Variants in CNOT6L observed in about 807,000 individuals in gnomAD.
CNOT6L encodes the protein CCR4-NOT transcription complex subunit 6-like.
A neutral mutation model predicts 64.0 loss-of-function variants in CNOT6L; 7 were observed. The ratio of observed to expected loss-of-function variants is 0.11; its 90% CI spans 0.06 to 0.21. CNOT6L has a LOEUF of 0.21. Among genes scored for constraint, CNOT6L ranks in the 10% least tolerant of loss-of-function variants. CNOT6L has a pLI of 1.00. For synonymous variants in CNOT6L, 193 were observed against 243.4 expected (o/e 0.79, Z 1.93); for missense variants, 245 against 669.0 (o/e 0.37, Z 6.99).
intron 1 of CNOT6L, among the ~76,000 whole-genome samples, chr4:77,812,832 T>C (rs1360609003): frequency 6.6e-6 from 1 of 152,010 alleles, no homozygotes; most frequent in Non-Finnish European, 1.5e-5. Context: ...ATCCTAAAAT[T>C]GATATGGAAA....
At chr4:77,784,378 T>G (rs1729210893) in intron 1 of CNOT6L, among the ~76,000 whole-genome samples, 1 of 152,202 alleles carries the variant, frequency 6.6e-6, no homozygotes, top group African/African-American at 2.4e-5. Flanking sequence ...TATGGACAAC[T>G]TAAGCTTATG....
intron 1 of CNOT6L, among the ~76,000 whole-genome samples, chr4:77,785,097 T>C (rs1241440690): frequency 1.3e-5 from 2 of 152,162 alleles, no homozygotes; most frequent in South Asian, 4.1e-4. Flanking sequence ...CATAGTTCAA[T>C]GGAACAGAAC....
intron 8 of CNOT6L, among the ~76,000 whole-genome samples, chr4:77,736,961 A>G (rs183117260): frequency 4.6e-5 from 6 of 129,604 alleles, no homozygotes; most frequent in Admixed American, 4.3e-4. Flanking sequence ...GAACACGTCC[A>G]GAGCAGTCCT....
intron 8 of CNOT6L, 61 bp from the exon 9 acceptor site, chr4:77,731,599 G>C: frequency 8.1e-7 from 1 of 1,241,208 alleles, no homozygotes; most frequent in Non-Finnish European, 1.1e-6. Context: ...GATATTAAAT[G>C]AAAGAAACAT....
intron 1 of CNOT6L, among the ~76,000 whole-genome samples, chr4:77,813,666 A>G (rs549547533): frequency 6.6e-6 from 1 of 152,216 alleles, no homozygotes; most frequent in Non-Finnish European, 1.5e-5. Flanking sequence ...AAAAAGCATC[A>G]TTAGCCATCA....
intron 6 of CNOT6L, among the ~76,000 whole-genome samples, chr4:77,746,962 CATATT>C (rs1163952052): frequency 6.6e-6 from 1 of 151,364 alleles, no homozygotes; most frequent in East Asian, 1.9e-4. Flanking sequence ...AAATGTACTG[CATATT>C]ATAATATTTT....
At chr4:77,801,081 T>C (rs995730127) in intron 1 of CNOT6L, among the ~76,000 whole-genome samples, 2 of 152,080 alleles carry the variant, frequency 1.3e-5, no homozygotes, top group Admixed American at 6.6e-5. Flanking sequence ...GCTCCTAAAA[T>C]AGTTGATTAG....
chr4:77,809,992 A>T (rs1437071571), intron 1 of CNOT6L, among the ~76,000 whole-genome samples: 1 of 152,034 alleles, frequency 6.6e-6, no homozygotes, highest in South Asian at 2.1e-4. Context: ...TGTCTTATTT[A>T]TTAGACTACT....
At chr4:77,723,105 T>A (rs1170440950) in intron 11 of CNOT6L, among the ~76,000 whole-genome samples, 1 of 152,204 alleles carries the variant, frequency 6.6e-6, no homozygotes, top group Non-Finnish European at 1.5e-5. Context: ...TCCTTTTTTT[T>A]ATTAAATGAT....
At chr4:77,805,169 T>G (rs1481570770) in intron 1 of CNOT6L, among the ~76,000 whole-genome samples, 1 of 152,204 alleles carries the variant, frequency 6.6e-6, no homozygotes, top group Non-Finnish European at 1.5e-5. Context: ...ACTGTATATA[T>G]TATACTGCTA....
At chr4:77,808,462 CAAAA>C (rs1191618329) in intron 1 of CNOT6L, among the ~76,000 whole-genome samples, 2 of 59,732 alleles carry the variant, frequency 3.3e-5, no homozygotes, top group Non-Finnish European at 6.9e-5. Context: ...TCTGCCATCT[CAAAA>C]AAAAAAAAAA....
chr4:77,817,039 A>G (rs1006970380), intron 1 of CNOT6L, among the ~76,000 whole-genome samples: 1 of 152,202 alleles, frequency 6.6e-6, no homozygotes, highest in Admixed American at 6.5e-5. Context: ...AACATGAGCT[A>G]GCATTTTTCG....
rs1172829882 is a variant in CNOT6L, at chr4:77,713,633, AT to A, written c.*6797del. 1 of 152,626 alleles carries A rather than the reference AT, an allele frequency of 6.6e-6. No homozygotes were observed. The highest frequency in any genetic ancestry group is 6.6e-5 in the Admixed American group (1 of 15,262). 9.5% of individuals were successfully genotyped at this position (152,626 alleles called of 1,614,324 possible). ...CTGCTTTTTTTTAGTCAATGTTCACATTAATGAAAAAATACTACCAACCGTG... is the reference window on the plus strand; with the variant it reads ...CTGCTTTTTTTTAGTCAATGTTCACATAATGAAAAAATACTACCAACCGTG... On this transcript the variant is annotated 3_prime_UTR_variant, in exon 12 of 12. Transcript: ENST00000504123.
chr4:77,813,180 T>A lies in CNOT6L; in HGVS notation c.5+6124A>T, dbSNP rs146225835. ...TATTAGACTTCTACAACAGACCATG[T>A]ACAGAAATTAATTCAAAATGGATCA... On this transcript the variant is annotated intron_variant, in intron 1 of 11. Transcript: ENST00000504123. Among the ~76,000 whole-genome samples the A allele has an allele frequency of 5.3e-3, 804 of 152,256 alleles. 7 individuals carry two copies. The highest frequency in any genetic ancestry group is 0.018 in the African/African-American group (757 of 41,558).
At chr4:77,777,557 C>T (rs1236940550) in intron 1 of CNOT6L, among the ~76,000 whole-genome samples, 1 of 152,124 alleles carries the variant, frequency 6.6e-6, no homozygotes, top group African/African-American at 2.4e-5. Context: ...AAAATAAAAT[C>T]CAGTTCATAT....
At position 77,716,235 on chromosome 4, in the gene CNOT6L, G is replaced by C. The variant is rs1720736176; in HGVS notation, c.*4196C>G. ...TTTGAAAATGTGCCATAAAGTCTTT[G>C]CTTGCTATAAAAACCATTATTTTCC... On this transcript the variant is annotated 3_prime_UTR_variant, in exon 12 of 12. Transcript: ENST00000504123. 6.6e-6 allele frequency: 1 copy of C among 152,022 alleles called. No homozygotes were observed. Among genetic ancestry groups the C allele is most frequent in the Admixed American group, 6.6e-5 (1 of 15,238 alleles). 9.4% of individuals were successfully genotyped at this position (152,022 alleles called of 1,614,324 possible).
intron 1 of CNOT6L, among the ~76,000 whole-genome samples, chr4:77,785,192 A>G (rs1729297642): frequency 1.3e-5 from 2 of 152,248 alleles, no homozygotes; most frequent in African/African-American, 4.8e-5. Flanking sequence ...ATTTTTCAAC[A>G]AATGGTGCTA....
At chr4:77,742,745 A>G (rs1723725765) in intron 7 of CNOT6L, among the ~76,000 whole-genome samples, 1 of 152,214 alleles carries the variant, frequency 6.6e-6, no homozygotes. Flanking sequence ...TGAGAAACGT[A>G]AAATCTATCC....
intron 5 of CNOT6L, among the ~76,000 whole-genome samples, chr4:77,750,526 T>C (rs1724743764): frequency 6.6e-6 from 1 of 152,212 alleles, no homozygotes. Context: ...TAATTTTTTT[T>C]GTATTTTCAG....
Sources: allele counts gnomAD v4.1 joint callset (sites outside exome capture counted in the v4.1 genomes callset), GRCh38; gene constraint gnomAD v4.1.1; transcripts MANE v1.5; gene names NCBI Gene and HGNC (gene_info 2026-07-23, HGNC 2026-07-21).